FAM133B: variants seen among roughly 807,000 people sequenced by gnomAD.
FAM133B encodes protein FAM133B.
Under a neutral mutation model 46.4 loss-of-function variants are expected in FAM133B, and 25 were observed. The ratio of observed to expected loss-of-function variants is 0.54; its 90% CI spans 0.39 to 0.75. The LOEUF is 0.75. Ranked by LOEUF, FAM133B falls within the 30% of genes least tolerant of loss-of-function variation. The pLI is 0.00. For synonymous variants in FAM133B, 75 were observed against 86.0 expected (o/e 0.87, Z 0.71); for missense variants, 205 against 277.6 (o/e 0.74, Z 1.86).
intron 1 of FAM133B, among the ~76,000 whole-genome samples, chr7:92,587,499 G>A (rs1254658956): frequency 6.6e-6 from 1 of 152,144 alleles, no homozygotes; most frequent in African/African-American, 2.4e-5. Flanking sequence ...TGGAGGCCGA[G>A]ACGGGAGGAT....
intron 5 of FAM133B, 154 bp downstream of exon 5, chr7:92,577,996 G>A (rs1179135531): frequency 2.8e-6 from 2 of 721,082 alleles, no homozygotes; most frequent in Non-Finnish European, 4.6e-6. Flanking sequence ...GTCAGTGATA[G>A]AACAAAATCA....
chr7:92,585,985 C>T (rs28711543), intron 1 of FAM133B, among the ~76,000 whole-genome samples: 1,946 of 152,166 alleles, frequency 0.013, 48 homozygotes, highest in African/African-American at 0.045. Context: ...TAACATTTAC[C>T]ATGTTTTACA....
chr7:92,584,338 T>C (rs1317630406), intron 1 of FAM133B, among the ~76,000 whole-genome samples: 1 of 152,204 alleles, frequency 6.6e-6, no homozygotes, highest in Admixed American at 6.5e-5. Flanking sequence ...GGAAAAAATA[T>C]ATTTGTTGCA....
At chr7:92,588,735 T>C (rs1305667423) in intron 1 of FAM133B, among the ~76,000 whole-genome samples, 1 of 152,116 alleles carries the variant, frequency 6.6e-6, no homozygotes, top group East Asian at 1.9e-4. Flanking sequence ...ATGAATGGCT[T>C]AGCATCCTCC....
intron 5 of FAM133B, 121 bp from the exon 6 acceptor site, chr7:92,577,838 G>T: frequency 1.3e-6 from 1 of 787,064 alleles, no homozygotes; most frequent in Non-Finnish European, 2.0e-6. Flanking sequence ...ATATTCATAA[G>T]TCATAAATAT....
Position 92,560,758 on chromosome 7 carries a change from T to C in FAM133B, c.*1524A>G, listed in dbSNP as rs1039633290. On this transcript the variant is annotated 3_prime_UTR_variant, in exon 11 of 11. Coordinates refer to ENST00000445716, the MANE Select transcript of FAM133B (RefSeq NM_152789.4). The stretch of plus-strand genomic sequence containing the variant: ...GGAGTGTTTATCTTTGTAAGTTTAC[T>C]TGCAGTCCAAAGGGAGCTGATAAGA... 6.6e-6 allele frequency: 1 copy of C among 152,216 alleles called. No homozygotes were observed. Among genetic ancestry groups the C allele is most frequent in the Non-Finnish European group, 1.5e-5 (1 of 68,030 alleles). The allele number at this position is 152,216 out of a possible 1,614,324, so 9.4% of individuals were successfully genotyped here.
intron 1 of FAM133B, among the ~76,000 whole-genome samples, chr7:92,583,526 A>C (rs1034045478): frequency 1.3e-5 from 2 of 152,256 alleles, no homozygotes; most frequent in Admixed American, 1.3e-4. Flanking sequence ...TACTACACTT[A>C]CTACAGCAGA....
At chr7:92,575,073 G>C (rs1794654779) in intron 8 of FAM133B, among the ~76,000 whole-genome samples, 2 of 151,948 alleles carry the variant, frequency 1.3e-5, no homozygotes, top group African/African-American at 4.8e-5. Flanking sequence ...TAACTATATA[G>C]GTAAGTTATA....
At chr7:92,586,755 T>C (rs1229488457) in intron 1 of FAM133B, among the ~76,000 whole-genome samples, 1 of 152,222 alleles carries the variant, frequency 6.6e-6, no homozygotes, top group African/African-American at 2.4e-5. Context: ...TGTGCAGAAT[T>C]TCATTTGTCA....
chr7:92,578,274 C>A (rs1415926073), intron 4 of FAM133B, 45 bp downstream of exon 4: 2 of 1,606,616 alleles, frequency 1.2e-6, no homozygotes, highest in East Asian at 2.2e-5. Flanking sequence ...TTATGAAAAT[C>A]CAACTATGAG....
At chr7:92,565,794 A>C in intron 10 of FAM133B, 1 of 566,720 alleles carries the variant, frequency 1.8e-6, no homozygotes, top group South Asian at 2.3e-5. Flanking sequence ...TAAAATACTG[A>C]AATGGAAACA....
chr7:92,562,020 A>C lies in FAM133B; in HGVS notation c.*262T>G. 3.7e-6 allele frequency: 1 copy of C among 270,424 alleles called. No individual in the cohort carries two copies. Among genetic ancestry groups the C allele is most frequent in the Non-Finnish European group, 6.7e-6 (1 of 148,414 alleles). The allele number at this position is 270,424 out of a possible 1,614,324, so 16.8% of individuals were successfully genotyped here. A position where few individuals can be genotyped will look rare whatever the true frequency, so the allele number is the denominator to read the frequency against. ...TCAAAAGTATTAATTTTATTCCCAA[A>C]TATCTTAACCACTAGTACGACTGCA... On this transcript the variant is annotated 3_prime_UTR_variant, in exon 11 of 11. Coordinates refer to ENST00000445716, the MANE Select transcript of FAM133B (RefSeq NM_152789.4).
intron 1 of FAM133B, among the ~76,000 whole-genome samples, chr7:92,582,192 T>C (rs941569618): frequency 2.6e-5 from 4 of 152,214 alleles, no homozygotes; most frequent in Admixed American, 2.0e-4. Flanking sequence ...GAGGTTGCAG[T>C]GAGCTGAGAT....
chr7:92,576,975 A>AT (rs1794719283), intron 7 of FAM133B, 128 bp downstream of exon 7: 2 of 466,116 alleles, frequency 4.3e-6, no homozygotes, highest in African/African-American at 2.0e-5. Context: ...AAGTATATCA[A>AT]TTAAGTGGCA....
At chr7:92,589,393 G>A (rs1394579722) in intron 1 of FAM133B, among the ~76,000 whole-genome samples, 1 of 152,030 alleles carries the variant, frequency 6.6e-6, no homozygotes, top group Non-Finnish European at 1.5e-5. Context: ...AACTATCAAG[G>A]ACCATTTCCT....
chr7:92,575,861 G>A (rs776188719), intron 7 of FAM133B, 40 bp from the exon 8 acceptor site: 4 of 957,004 alleles, frequency 4.2e-6, no homozygotes, highest in Non-Finnish European at 4.8e-6. Context: ...AAATGCCAAG[G>A]ACACAGCATT....
chr7:92,588,579 TAA>T (rs1372687865), intron 1 of FAM133B, among the ~76,000 whole-genome samples: 3 of 152,216 alleles, frequency 2.0e-5, no homozygotes, highest in African/African-American at 7.2e-5. Context: ...TTTTCCATTA[TAA>T]AGACTATACA....
intron 3 of FAM133B, among the ~76,000 whole-genome samples, 183 bp from the exon 4 acceptor site, chr7:92,578,576 C>T: frequency 6.6e-6 from 1 of 152,172 alleles, no homozygotes; most frequent in Non-Finnish European, 1.5e-5. Context: ...GGACCCTCTA[C>T]TAGCTCTTTT....
chr7:92,583,223 A>G lies in FAM133B; in HGVS notation c.25-1620T>C, dbSNP rs192396252. Among the ~76,000 whole-genome samples the G allele has an allele frequency of 4.6e-5, 7 of 152,362 alleles. No homozygotes were observed. The East Asian group carries it at 9.6e-4, about 21-fold the overall frequency. Reference sequence around the variant, plus strand: ...AAAATATGCTAAATGAAATAAAACAAGAAAAACACAAAAGAACAAATATAT... The same window carrying G: ...AAAATATGCTAAATGAAATAAAACAGGAAAAACACAAAAGAACAAATATAT... On this transcript the variant is annotated intron_variant, in intron 1 of 10. Coordinates refer to ENST00000445716, the MANE Select transcript of FAM133B (RefSeq NM_152789.4).
Sources: allele counts gnomAD v4.1 joint callset (sites outside exome capture counted in the v4.1 genomes callset), GRCh38; gene constraint gnomAD v4.1.1; transcripts MANE v1.5; gene names NCBI Gene and HGNC (gene_info 2026-07-23, HGNC 2026-07-21).